The following KIAA1328 variants were observed in gnomAD, a reference collection of about 807,000 sequenced individuals.
KIAA1328 encodes the protein protein hinderin.
KIAA1328 carries 52 observed loss-of-function variants against 68.1 expected under a neutral mutation model. The ratio of observed to expected loss-of-function variants is 0.76; its 90% CI spans 0.61 to 0.96. The LOEUF is 0.96. Ranked by LOEUF, KIAA1328 falls within the 40% of genes least tolerant of loss-of-function variation. The probability of loss-of-function intolerance (pLI) is 0.00; values close to 1 mark genes in which losing one functional copy is unlikely to be tolerated. For missense variants in KIAA1328, 641 were observed against 677.6 expected (o/e 0.95, Z 0.60); for synonymous variants, 232 against 239.4 (o/e 0.97, Z 0.28).
chr18:36,958,783 GT>G (rs1486187755), intron 5 of KIAA1328, among the ~76,000 whole-genome samples: 3 of 151,140 alleles, frequency 2.0e-5, no homozygotes, highest in African/African-American at 7.3e-5. Flanking sequence ...TCAGGGGGTT[GT>G]TTTTTCAAAT....
chr18:36,879,641 C>T (rs947033024), intron 4 of KIAA1328, among the ~76,000 whole-genome samples: 3 of 152,220 alleles, frequency 2.0e-5, no homozygotes, highest in Non-Finnish European at 4.4e-5. Flanking sequence ...CCACCCCTTC[C>T]CCCAGGTGTT....
intron 7 of KIAA1328, among the ~76,000 whole-genome samples, chr18:37,112,499 T>C (rs1315582109): frequency 6.6e-6 from 1 of 152,150 alleles, no homozygotes. Context: ...ACCCCATCTG[T>C]ACATCACCAT....
At chr18:37,010,308 T>C (rs963715526) in intron 6 of KIAA1328, among the ~76,000 whole-genome samples, 2 of 151,812 alleles carry the variant, frequency 1.3e-5, no homozygotes, top group Admixed American at 6.6e-5. Flanking sequence ...CTGGGTATGG[T>C]GGCAGGCACC....
intron 5 of KIAA1328, among the ~76,000 whole-genome samples, chr18:36,940,569 T>C (rs1434721350): frequency 6.6e-6 from 1 of 152,216 alleles, no homozygotes; most frequent in Non-Finnish European, 1.5e-5. Context: ...CTTGAAGTTT[T>C]ATCCTGACTT....
intron 5 of KIAA1328, among the ~76,000 whole-genome samples, chr18:36,953,995 C>CTT (rs71168249): frequency 5.3e-5 from 6 of 113,546 alleles, no homozygotes; most frequent in African/African-American, 9.1e-5. Flanking sequence ...CTGATTGTTT[C>CTT]TTTTTTTTTT....
At chr18:37,068,341 T>C (rs1323613631) in intron 7 of KIAA1328, among the ~76,000 whole-genome samples, 1 of 152,228 alleles carries the variant, frequency 6.6e-6, no homozygotes, top group Non-Finnish European at 1.5e-5. Flanking sequence ...AAGCATGACC[T>C]GTTGAATGAT....
At chr18:36,943,820 C>T (rs1260559725) in intron 5 of KIAA1328, among the ~76,000 whole-genome samples, 1 of 152,076 alleles carries the variant, frequency 6.6e-6, no homozygotes, top group Non-Finnish European at 1.5e-5. Flanking sequence ...TACCATATGC[C>T]ATTTTGGATT....
intron 5 of KIAA1328, among the ~76,000 whole-genome samples, chr18:36,910,067 A>G (rs2049376404): frequency 1.3e-5 from 2 of 151,454 alleles, no homozygotes; most frequent in South Asian, 4.2e-4. Context: ...AATTTTCTGT[A>G]GGTTGCCTGT....
rs139001964 is a variant in KIAA1328 at position 37,043,479 on chromosome 18, T to C, written c.577-23411T>C. ...TAGGGTTTGTCTCCCCTGCAACATA[T>C]GTCCACTGATGTCACTACTCAACCT... On this transcript the variant is annotated intron_variant, in intron 6 of 9. Transcript: ENST00000280020. Among the ~76,000 whole-genome samples, 213 of 152,344 alleles carry C rather than the reference T, an allele frequency of 1.4e-3. 1 individual carries two copies. Among genetic ancestry groups the C allele is most frequent in the African/African-American group, 4.8e-3 (201 of 41,578 alleles).
rs190324372 is a variant in KIAA1328, at chr18:36,937,541, C to T, written c.449-21767C>T. ...AAAAATCAACCCATCAAAAAGTGGGCAAAGGATATGAACAGACACTTCTCA... is the reference window on the plus strand; with the variant it reads ...AAAAATCAACCCATCAAAAAGTGGGTAAAGGATATGAACAGACACTTCTCA... On this transcript the variant is annotated intron_variant, in intron 5 of 9. Coordinates refer to ENST00000280020, the MANE Select transcript of KIAA1328 (RefSeq NM_020776.3). Among the ~76,000 whole-genome samples the T allele has an allele frequency of 3.2e-3, 491 of 152,212 alleles. 1 individual carries two copies. Among genetic ancestry groups the T allele is most frequent in the Non-Finnish European group, 3.6e-3 (244 of 67,996 alleles).
intron 6 of KIAA1328, among the ~76,000 whole-genome samples, chr18:37,001,481 C>T (rs1013007369): frequency 4.6e-5 from 7 of 151,978 alleles, no homozygotes. Context: ...CAAGCTATTC[C>T]AAAAAATGGA....
intron 6 of KIAA1328, among the ~76,000 whole-genome samples, chr18:36,998,134 C>A (rs905211901): frequency 2.6e-5 from 4 of 152,156 alleles, no homozygotes; most frequent in Admixed American, 2.6e-4. Context: ...CCCAGCTCAA[C>A]TTTGCGTCCC....
chr18:37,017,339 A>T (rs1343359484), intron 6 of KIAA1328, among the ~76,000 whole-genome samples: 3 of 152,068 alleles, frequency 2.0e-5, no homozygotes, highest in African/African-American at 7.2e-5. Flanking sequence ...GGTTGATACG[A>T]TTTCAATTTT....
At chr18:36,856,652 A>T (rs186977713) in intron 4 of KIAA1328, among the ~76,000 whole-genome samples, 547 of 152,262 alleles carry the variant, frequency 3.6e-3, no homozygotes, top group Non-Finnish European at 6.3e-3. Context: ...TTGCCTGATA[A>T]ATCCAATATG....
chr18:36,925,073 A>G (rs2050063274), intron 5 of KIAA1328: 1 of 152,210 alleles, frequency 6.6e-6, no homozygotes, highest in South Asian at 2.1e-4. Flanking sequence ...ATGTAAAATG[A>G]TAATACACCA....
chr18:37,169,567 A>C (rs2059460105), intron 8 of KIAA1328, among the ~76,000 whole-genome samples: 1 of 152,142 alleles, frequency 6.6e-6, no homozygotes. Context: ...ATAGAGTTCC[A>C]TGAATATGCA....
intron 5 of KIAA1328, among the ~76,000 whole-genome samples, chr18:36,952,783 G>A (rs1236825789): frequency 6.6e-6 from 1 of 152,082 alleles, no homozygotes; most frequent in African/African-American, 2.4e-5. Context: ...TGGCTCCAAG[G>A]ACAGTTCTGG....
In KIAA1328 at chr18:36,913,543, T is replaced by TACACACACACACACACACACAC. The variant is rs34096013; in HGVS notation, c.448+27876_448+27897dup. Among the ~76,000 whole-genome samples the TACACACACACACACACACACAC allele has an allele frequency of 2.8e-4, 37 of 131,496 alleles. 1 individual carries two copies. The South Asian group carries it at 4.1e-3, about 15-fold the overall frequency. 86.3% of individuals were successfully genotyped at this position (131,496 alleles called of 152,430 possible). ...ACACACTTAGAGGAAAGCAACTGCC[T>TACACACACACACACACACACAC]ACACACACACACACACACACACACA... On this transcript the variant is annotated intron_variant, in intron 5 of 9. Transcript: ENST00000280020.
intron 5 of KIAA1328, among the ~76,000 whole-genome samples, chr18:36,932,069 A>C (rs887426192): frequency 1.3e-5 from 2 of 152,240 alleles, no homozygotes; most frequent in African/African-American, 4.8e-5. Flanking sequence ...GGGAGCATAG[A>C]GAAAAAGATA....
Sources: gnomAD v4.1 joint callset for allele counts (sites outside exome capture counted in the v4.1 genomes callset) on GRCh38, gnomAD v4.1.1 for gene constraint, MANE v1.5 for transcripts, NCBI Gene and HGNC (gene_info 2026-07-23, HGNC 2026-07-21) for gene names.